Variants in CTNNA1 observed in about 807,000 individuals in gnomAD.
The protein encoded by CTNNA1 is catenin alpha-1.
In CTNNA1, 37 loss-of-function variants were observed where a neutral mutation model predicts 98.4. That is an observed-to-expected ratio of 0.38 (90% CI 0.29 to 0.49). The LOEUF is 0.49. CTNNA1 is among the 20% of genes least tolerant of loss of function. CTNNA1 has a pLI of 0.95. For missense variants in CTNNA1, 761 were observed against 1,147.2 expected (o/e 0.66, Z 4.86); for synonymous variants, 404 against 413.2 (o/e 0.98, Z 0.27).
At chr5:138,885,593 C>A (rs1046350687) in intron 7 of CTNNA1, among the ~76,000 whole-genome samples, 4 of 152,172 alleles carry the variant, frequency 2.6e-5, no homozygotes, top group African/African-American at 4.8e-5. Flanking sequence ...CATACCACTT[C>A]AAGAGTGACT....
At chr5:138,931,106 T>C (rs1175538530) in intron 16 of CTNNA1, 171 bp downstream of exon 16, 2 of 602,374 alleles carry the variant, frequency 3.3e-6, no homozygotes, top group Non-Finnish European at 6.0e-6. Context: ...AGAGCGGATG[T>C]GTATGTCCTG....
chr5:138,869,200 A>G (rs1765102899), intron 7 of CTNNA1: 1 of 150,376 alleles, frequency 6.6e-6, no homozygotes, highest in Admixed American at 6.6e-5. Context: ...ACCGCTAAGG[A>G]CAAAAATGTT....
In CTNNA1 at chr5:138,873,383, C is replaced by G; in HGVS notation, c.1063-12829C>G. On this transcript the variant is annotated intron_variant, in intron 7 of 17. Coordinates refer to ENST00000302763, the MANE Select transcript of CTNNA1 (RefSeq NM_001903.5). This position sits in a 1 kb window ranked among gnomAD's most constrained non-coding sequence, Gnocchi z 6.1. ...TGCAGTAGTTGGGATTTCTTTGTCT[C>G]CCACATGGTAACTTGATGAGCTTAT... 1 of 1,614,028 alleles carries G rather than the reference C, an allele frequency of 6.2e-7. No individual in the cohort carries two copies. The highest frequency in any genetic ancestry group is 8.5e-7 in the Non-Finnish European group (1 of 1,179,884).
chr5:138,897,912 A>G (rs143756951), intron 9 of CTNNA1, among the ~76,000 whole-genome samples: 288 of 152,308 alleles, frequency 1.9e-3, no homozygotes, highest in African/African-American at 6.7e-3. Context: ...ATTGGTAGGC[A>G]TGACTAAAGA....
chr5:138,813,988 A>G (rs1759133941), intron 5 of CTNNA1, among the ~76,000 whole-genome samples: 1 of 152,202 alleles, frequency 6.6e-6, no homozygotes, highest in Non-Finnish European at 1.5e-5. Context: ...TTATATTTAC[A>G]TTAGTATTAA....
At chr5:138,847,047 G>GAA (rs1392241973) in intron 7 of CTNNA1, among the ~76,000 whole-genome samples, 2 of 152,126 alleles carry the variant, frequency 1.3e-5, no homozygotes, top group Non-Finnish European at 2.9e-5. Flanking sequence ...TATTTTGGTT[G>GAA]AAATATTGGC....
chr5:138,819,084 T>C (rs1007987406), intron 5 of CTNNA1, among the ~76,000 whole-genome samples: 10 of 151,818 alleles, frequency 6.6e-5, no homozygotes, highest in African/African-American at 1.9e-4. Flanking sequence ...GAAGAAGGGG[T>C]GCTCTGGAGG....
chr5:138,811,666 G>A lies in CTNNA1; in HGVS notation c.469-517G>A, dbSNP rs1469884109. 3.9e-5 allele frequency among the ~76,000 whole-genome samples: 6 copies of A among 152,082 alleles called. No homozygotes were observed. The South Asian group carries it at 8.3e-4, about 21-fold the overall frequency. On this transcript the variant is annotated intron_variant, in intron 4 of 17. Coordinates refer to ENST00000302763, the MANE Select transcript of CTNNA1 (RefSeq NM_001903.5). ...TGAACCAGACTCCGTCTGCAATCCC[G>A]GCACCTCTGGAGGCCGAGGCTGGCG...
chr5:138,776,849 G>C (rs1253244825), intron 1 of CTNNA1, among the ~76,000 whole-genome samples: 3 of 134,742 alleles, frequency 2.2e-5, no homozygotes, highest in African/African-American at 5.5e-5. Flanking sequence ...CGGGCGGGGG[G>C]GCTGACTCCC....
At chr5:138,918,986 A>G (rs1333567358) in intron 11 of CTNNA1, among the ~76,000 whole-genome samples, 1 of 152,094 alleles carries the variant, frequency 6.6e-6, no homozygotes, top group African/African-American at 2.4e-5. Flanking sequence ...CTGTCTTCAC[A>G]CTCTCTCCTT....
At chr5:138,781,823 A>G (rs1325738411) in intron 1 of CTNNA1, 100 bp from the exon 2 acceptor site, 3 of 1,101,058 alleles carry the variant, frequency 2.7e-6, no homozygotes, top group Admixed American at 6.2e-5. Context: ...TAGTGAATAT[A>G]GCTTTCCTGA....
At chr5:138,761,172 T>TG (rs1235380344) in intron 1 of CTNNA1, among the ~76,000 whole-genome samples, 1 of 152,228 alleles carries the variant, frequency 6.6e-6, no homozygotes, top group African/African-American at 2.4e-5. Flanking sequence ...TGTAGGTACA[T>TG]GCTGTTGTGA....
intron 7 of CTNNA1, among the ~76,000 whole-genome samples, chr5:138,836,807 T>C (rs1291571782): frequency 6.6e-6 from 1 of 152,212 alleles, no homozygotes; most frequent in Non-Finnish European, 1.5e-5. Context: ...ATTTCTGAAT[T>C]AACAGGTAAT....
chr5:138,922,143 GAA>G lies in CTNNA1; in HGVS notation c.1547-2366_1547-2365del, dbSNP rs1763042511. On this transcript the variant is annotated intron_variant, in intron 11 of 17. Coordinates refer to ENST00000302763, the MANE Select transcript of CTNNA1 (RefSeq NM_001903.5). ...CTGACATTCTGACATCTTTTATGGA[GAA>G]TGCCAGTTGGCATGGTTCCTGGGGG... 5.3e-5 allele frequency among the ~76,000 whole-genome samples: 8 copies of G among 152,290 alleles called. No homozygotes were observed. The South Asian group carries it at 1.5e-3, about 28-fold the overall frequency.
chr5:138,810,371 T>C (rs1442143757), intron 4 of CTNNA1, among the ~76,000 whole-genome samples, 167 bp downstream of exon 4: 2 of 152,242 alleles, frequency 1.3e-5, no homozygotes, highest in African/African-American at 4.8e-5. Flanking sequence ...ATTCCAAGTA[T>C]ATATCATCCT....
At chr5:138,862,704 A>C (rs1764402480) in intron 7 of CTNNA1, among the ~76,000 whole-genome samples, 1 of 152,214 alleles carries the variant, frequency 6.6e-6, no homozygotes, top group Non-Finnish European at 1.5e-5. Flanking sequence ...TAATGTGGTA[A>C]GTTTTATATC....
intron 1 of CTNNA1, among the ~76,000 whole-genome samples, chr5:138,777,872 GGGGAGAGGGAGAGGGAGAGGA>G (rs1561515157): frequency 7.2e-5 from 9 of 124,870 alleles, no homozygotes; most frequent in East Asian, 2.7e-4. Context: ...GGGAGACCGT[GGGGAGAGGGAGAGGGAGAGGA>G]GGGAGAGGGA....
intron 3 of CTNNA1, among the ~76,000 whole-genome samples, chr5:138,808,442 G>A (rs1386719852): frequency 1.3e-5 from 2 of 152,154 alleles, no homozygotes; most frequent in East Asian, 1.9e-4. Flanking sequence ...TCCTGAAGAT[G>A]TAAGAGAGAA....
At chr5:138,907,229 C>T (rs1759464163) in intron 10 of CTNNA1, among the ~76,000 whole-genome samples, 1 of 152,108 alleles carries the variant, frequency 6.6e-6, no homozygotes, top group African/African-American at 2.4e-5. Context: ...ACCATGTTGC[C>T]CATGCTGGTC....
Sources: allele counts gnomAD v4.1 joint callset (sites outside exome capture counted in the v4.1 genomes callset), GRCh38; gene constraint gnomAD v4.1.1; non-coding constraint Gnocchi (gnomAD v3.1); transcripts MANE v1.5; gene names NCBI Gene and HGNC (gene_info 2026-07-23, HGNC 2026-07-21).